Variants in SEMA4G observed in about 807,000 individuals in gnomAD.
SEMA4G encodes the protein semaphorin 4G.
A neutral mutation model predicts 81.2 loss-of-function variants in SEMA4G; 59 were observed. That is an observed-to-expected ratio of 0.73 (90% CI 0.59 to 0.90). SEMA4G has a LOEUF of 0.90. Among genes scored for constraint, SEMA4G ranks in the 40% least tolerant of loss-of-function variants. The pLI is 0.00. For synonymous variants in SEMA4G, 404 were observed against 433.9 expected, an observed-to-expected ratio of 0.93 and a Z score of 0.86; for missense variants, 952 against 1,102.3, an observed-to-expected ratio of 0.86 and a Z score of 1.93.
chr10:100,980,990 G>A, intron 12 of SEMA4G: 1 of 1,596,220 alleles, frequency 6.3e-7, no homozygotes, highest in Non-Finnish European at 8.5e-7. Context: ...CAGGTCCCAG[G>A]GAAGCAGGTG....
chr10:100,979,815 A>T (rs1850971591), intron 8 of SEMA4G, 33 bp from the exon 10 acceptor site: 1 of 1,609,704 alleles, frequency 6.2e-7, no homozygotes, highest in African/African-American at 1.3e-5. Context: ...GACTCCATGT[A>T]ACTCACCCCC....
At chr10:100,971,428 C>A (rs181835092), upstream of SEMA4G, among the ~76,000 whole-genome samples, 2 of 152,246 alleles carry the variant, frequency 1.3e-5, no homozygotes, top group Non-Finnish European at 2.9e-5. Flanking sequence ...CCTCTTCTCT[C>A]CCTTTCATAT....
At position 100,973,932 on chromosome 10, in the gene SEMA4G, C is replaced by T. The variant is rs1850704849; in HGVS notation, c.336+323C>T. ...TAGCTAGGACCACGGGCACATGCCA[C>T]GCCCAGCTAAGTGTTTTATTTTTTG... On this transcript the variant is annotated intron_variant, in intron 3 of 13. Coordinates refer to ENST00000370250, the Ensembl canonical transcript of SEMA4G. The surrounding 1 kb of genome is among the most constrained non-coding windows in gnomAD (Gnocchi z 5.5). Among the ~76,000 whole-genome samples, 1 of 147,296 alleles carries T rather than the reference C, an allele frequency of 6.8e-6. No individual in the cohort carries two copies. Among genetic ancestry groups the T allele is most frequent in the East Asian group, 2.0e-4 (1 of 5,118 alleles).
upstream of SEMA4G, among the ~76,000 whole-genome samples, chr10:100,971,953 G>A (rs1469090153): frequency 6.6e-6 from 1 of 152,228 alleles, no homozygotes; most frequent in Admixed American, 6.5e-5. Context: ...ATAGGGACAC[G>A]TGTGGATGCC....
chr10:100,984,514 G>A, exon 14 of SEMA4G: 6 of 1,536,042 alleles, frequency 3.9e-6, no homozygotes, highest in Non-Finnish European at 5.2e-6. Flanking sequence ...GTCCATATGG[G>A]CTCAATGTCA....
upstream of SEMA4G, chr10:100,969,870 C>T (rs1312036890): frequency 8.8e-6 from 4 of 455,792 alleles, no homozygotes; most frequent in Non-Finnish European, 1.8e-5. Flanking sequence ...CGTCTCCCGG[C>T]GTCCGGCGGG....
rs764085431 is a variant in SEMA4G, at chr10:100,981,497, C to T, written c.1690+268C>T. On this transcript the variant is annotated intron_variant, in intron 13 of 13. Coordinates refer to ENST00000370250, the Ensembl canonical transcript of SEMA4G. ...AGTAGTGGATGACAAGGGTTCAGGA[C>T]GGTAATGGGTATTTCCCCAAGGAAG... 38 of 1,614,022 alleles carry T rather than the reference C, an allele frequency of 2.4e-5. No homozygotes were observed. The East Asian group carries it at 3.6e-4, about 15-fold the overall frequency.
At chr10:100,980,304 G>A (rs1851002277) in exon 10 of SEMA4G, 9 of 1,614,038 alleles carry the variant, frequency 5.6e-6, no homozygotes, top group Middle Eastern at 1.6e-4. Context: ...CTGTCACCAC[G>A]CCTGCTGGAC....
intron 4 of SEMA4G, 116 bp from the exon 6 acceptor site, chr10:100,978,179 C>T (rs934783025): frequency 3.4e-5 from 23 of 674,144 alleles, no homozygotes; most frequent in African/African-American, 3.2e-4. Flanking sequence ...GGTGCATCTG[C>T]CATACAACCT....
intron 10 of SEMA4G, 70 bp downstream of exon 11, chr10:100,980,414 G>T (rs1851006493): frequency 1.3e-6 from 2 of 1,488,424 alleles, no homozygotes; most frequent in East Asian, 2.3e-5. Flanking sequence ...ATTAATTCCT[G>T]CCATGACTAG....
At chr10:100,984,581 C>G in exon 14 of SEMA4G, 1 of 1,536,202 alleles carries the variant, frequency 6.5e-7, no homozygotes, top group Non-Finnish European at 8.7e-7. Context: ...AAGACCTCTG[C>G]CAGCCACCTA....
chr10:100,979,447 A>G, intron 8 of SEMA4G, 176 bp downstream of exon 9: 1 of 1,486,176 alleles, frequency 6.7e-7, no homozygotes, highest in South Asian at 1.3e-5. Flanking sequence ...CAGTGGCGCG[A>G]TCTCGGCTCA....
chr10:100,983,823 G>A (rs774176474), exon 14 of SEMA4G: 6 of 1,600,664 alleles, frequency 3.7e-6, no homozygotes, highest in South Asian at 3.4e-5. Context: ...GTGTCCTGGA[G>A]AGGAAGATGA....
At chr10:100,980,196 A>G (rs971229127) in exon 10 of SEMA4G, 3 of 1,614,120 alleles carry the variant, frequency 1.9e-6, no homozygotes, top group Admixed American at 1.7e-5. Context: ...TGGACTTTGT[A>G]AAGTTGCACC....
intron 3 of SEMA4G, among the ~76,000 whole-genome samples, chr10:100,977,062 C>G (rs1045638380): frequency 1.3e-5 from 2 of 152,128 alleles, no homozygotes; most frequent in South Asian, 4.2e-4. Context: ...AAGGATGATC[C>G]CTGGCTTCTA....
intron 3 of SEMA4G, among the ~76,000 whole-genome samples, chr10:100,977,384 C>T (rs1395340310): frequency 2.6e-5 from 4 of 152,100 alleles, no homozygotes; most frequent in Non-Finnish European, 5.9e-5. Context: ...GCAAGAGACA[C>T]AGGAGATATT....
At chr10:100,982,047 G>A (rs1170217085) in intron 13 of SEMA4G, among the ~76,000 whole-genome samples, 3 of 131,682 alleles carry the variant, frequency 2.3e-5, no homozygotes, top group Admixed American at 1.7e-4. Flanking sequence ...AACAGAGTGA[G>A]ACCTCATCTC....
intron 10 of SEMA4G, 97 bp from the exon 12 acceptor site, chr10:100,980,481 A>C: frequency 7.4e-7 from 1 of 1,344,644 alleles, no homozygotes; most frequent in Non-Finnish European, 1.1e-6. Flanking sequence ...CTTGTTCTGG[A>C]CCTCAGGACT....
Position 100,978,518 on chromosome 10 carries a change from C to G in SEMA4G, c.530-9C>G. 6.2e-7 allele frequency: 1 copy of G among 1,612,776 alleles called. No individual in the cohort carries two copies. Among genetic ancestry groups the G allele is most frequent in the Non-Finnish European group, 8.5e-7 (1 of 1,178,982 alleles). ...CATGTCTCTCATGCCTGGAATATCCCCACGCCAGATGGAGGCCTCTACACA... is the reference window on the plus strand; with the variant it reads ...CATGTCTCTCATGCCTGGAATATCCGCACGCCAGATGGAGGCCTCTACACA... On this transcript the variant is annotated splice_polypyrimidine_tract_variant and intron_variant, in intron 5 of 13. Coordinates refer to ENST00000370250, the Ensembl canonical transcript of SEMA4G.
Sources: allele counts gnomAD v4.1 joint callset (sites outside exome capture counted in the v4.1 genomes callset), GRCh38; gene constraint gnomAD v4.1.1; non-coding constraint Gnocchi (gnomAD v3.1); transcripts MANE v1.5; gene names NCBI Gene and HGNC (gene_info 2026-07-23, HGNC 2026-07-21).